The following BCL2L13 variants were observed in gnomAD, a reference collection of about 807,000 sequenced individuals.
BCL2L13 encodes the protein BCL2 like 13, also known as bcl-2-like protein 13.
BCL2L13 carries 13 observed loss-of-function variants against 25.8 expected under a neutral mutation model. That is an observed-to-expected ratio of 0.50 (90% CI 0.33 to 0.80). BCL2L13 has a LOEUF of 0.80. Ranked by LOEUF, BCL2L13 falls within the 30% of genes least tolerant of loss-of-function variation. BCL2L13 has a pLI of 0.02. For synonymous variants in BCL2L13, 244 were observed against 230.3 expected (o/e 1.06, Z -0.54); for missense variants, 504 against 574.9 (o/e 0.88, Z 1.26).
At chr22:17,715,125 TATATATATATATA>T in intron 6 of BCL2L13, among the ~76,000 whole-genome samples, 1 of 3,104 alleles carries the variant, frequency 3.2e-4, no homozygotes, top group African/African-American at 1.2e-3. Context: ...GTTAATTTTA[TATATATATATATA>T]TATATATATA....
chr22:17,719,870 G>T (rs1426291900), intron 6 of BCL2L13, among the ~76,000 whole-genome samples: 1 of 149,242 alleles, frequency 6.7e-6, no homozygotes, highest in Non-Finnish European at 1.5e-5. Flanking sequence ...ATGGATACAT[G>T]CTACAACATG....
At chr22:17,674,198 TAGAG>T (rs1314657066) in intron 2 of BCL2L13, among the ~76,000 whole-genome samples, 1 of 152,150 alleles carries the variant, frequency 6.6e-6, no homozygotes, top group Non-Finnish European at 1.5e-5. Context: ...CATTTTGAAG[TAGAG>T]AGTTACATTG....
chr22:17,704,780 T>G lies in BCL2L13; in HGVS notation c.600+2394T>G, dbSNP rs1040138150. On this transcript the variant is annotated intron_variant, in intron 6 of 6. Coordinates refer to ENST00000317582, the MANE Select transcript of BCL2L13 (RefSeq NM_015367.4). ...TGAACTGCACTGAAATCTACCAAAG[T>G]TAATGTTTACTTTGTGTAGATCCAT... Among the ~76,000 whole-genome samples, 5 of 152,176 alleles carry G rather than the reference T, an allele frequency of 3.3e-5. No homozygotes were observed. In the East Asian group the frequency reaches 9.7e-4, roughly 29 times the overall value.
At chr22:17,663,307 G>T (rs2059130893) in intron 2 of BCL2L13, among the ~76,000 whole-genome samples, 1 of 152,134 alleles carries the variant, frequency 6.6e-6, no homozygotes, top group Admixed American at 6.6e-5. Flanking sequence ...GATTACAGAT[G>T]GTGTCCTAAG....
chr22:17,696,150 A>G lies in BCL2L13; in HGVS notation c.396A>G (p.Thr132=), dbSNP rs1338108893. ...AAAAAAATCTCTACAGGCCAGTGACATATCAGGCATTTCGGGAATGTACAC... is the reference window on the plus strand; with the variant it reads ...AAAAAAATCTCTACAGGCCAGTGACGTATCAGGCATTTCGGGAATGTACAC... ...ALQMLLSQPV[T]YQAFRECTLE... is the part of the protein sequence containing the mutation. Residue 132 remains threonine (T), a synonymous_variant, in exon 5 of 7, where the codon ACA becomes ACG. Transcript: ENST00000317582. 1 of 1,613,326 alleles carries G rather than the reference A, an allele frequency of 6.2e-7. No homozygotes were observed. Among genetic ancestry groups the G allele is most frequent in the African/African-American group, 1.3e-5 (1 of 74,920 alleles).
chr22:17,669,057 G>A (rs571515471), intron 2 of BCL2L13, among the ~76,000 whole-genome samples: 7 of 122,776 alleles, frequency 5.7e-5, no homozygotes, highest in African/African-American at 2.2e-4. Context: ...TTTTGAGACG[G>A]AGTCTCGCTC....
At chr22:17,702,476 G>A (rs137990506) in intron 6 of BCL2L13, 90 bp downstream of exon 6, 185 of 1,262,930 alleles carry the variant, frequency 1.5e-4, no homozygotes, top group Non-Finnish European at 1.8e-4. Context: ...TGTGTTACCC[G>A]GGCTGGAGTG....
At chr22:17,635,318 A>G (rs1480196174), upstream of BCL2L13, among the ~76,000 whole-genome samples, 2 of 152,136 alleles carry the variant, frequency 1.3e-5, no homozygotes, top group African/African-American at 4.8e-5. Context: ...CGGGCGGATC[A>G]CAAGGTCAGG....
At chr22:17,701,255 G>T (rs1490285492) in intron 5 of BCL2L13, among the ~76,000 whole-genome samples, 1 of 152,050 alleles carries the variant, frequency 6.6e-6, no homozygotes, top group African/African-American at 2.4e-5. Flanking sequence ...GTTTTTAAAA[G>T]TTCTTATTTT....
chr22:17,655,300 CTT>C (rs71201856), intron 1 of BCL2L13, among the ~76,000 whole-genome samples: 31 of 138,734 alleles, frequency 2.2e-4, no homozygotes, highest in Admixed American at 2.2e-4. Flanking sequence ...TTACAGTTCA[CTT>C]TTTTTTTTTT....
At chr22:17,677,630 TTGGGAG>T (rs1308536813) in intron 2 of BCL2L13, among the ~76,000 whole-genome samples, 2 of 152,042 alleles carry the variant, frequency 1.3e-5, no homozygotes, top group African/African-American at 4.8e-5. Context: ...TCCCAGCACT[TTGGGAG>T]TCTGAGGCAG....
At chr22:17,711,275 G>T (rs2060750318) in intron 6 of BCL2L13, among the ~76,000 whole-genome samples, 1 of 143,190 alleles carries the variant, frequency 7.0e-6, no homozygotes, top group African/African-American at 2.6e-5. Flanking sequence ...TCAGTTTGTT[G>T]ACTTTTCCCT....
At chr22:17,683,651 A>G (rs975370622) in intron 3 of BCL2L13, among the ~76,000 whole-genome samples, 2 of 152,134 alleles carry the variant, frequency 1.3e-5, no homozygotes, top group African/African-American at 4.8e-5. Context: ...ATAACGACAT[A>G]AAAAGGAAAA....
In BCL2L13 at chr22:17,727,453, T is replaced by A. The variant is rs1383332896; in HGVS notation, c.1377T>A (p.Ser459=). The A allele has an allele frequency of 6.2e-7, 1 of 1,614,146 alleles. No homozygotes were observed. The highest frequency in any genetic ancestry group is 8.5e-7 in the Non-Finnish European group (1 of 1,180,054). Residue 459 remains serine, a synonymous_variant, in exon 7 of 7, where the codon TCT becomes TCA. Transcript: ENST00000317582. ...CCATGCCGCTGTCTGAGGGCAAGTC[T>A]ATACTGCTGTTTGGAGGGGCTGCTG... ...MKPMPLSEGK[S]ILLFGGAAAV...
chr22:17,674,086 C>T (rs779691920), intron 2 of BCL2L13, among the ~76,000 whole-genome samples: 8 of 152,110 alleles, frequency 5.3e-5, no homozygotes, highest in Non-Finnish European at 7.3e-5. Flanking sequence ...CATCAAACAG[C>T]ATAGGATAGT....
intron 4 of BCL2L13, chr22:17,695,911 A>G (rs2060251058): frequency 4.5e-6 from 2 of 440,660 alleles, no homozygotes; most frequent in Non-Finnish European, 8.3e-6. Context: ...TAGAATATAC[A>G]TTTATCTTGC....
At chr22:17,724,909 CT>C (rs1338039873) in intron 6 of BCL2L13, among the ~76,000 whole-genome samples, 26 of 152,154 alleles carry the variant, frequency 1.7e-4, no homozygotes, top group Admixed American at 1.7e-3. Context: ...TGTCATAAAG[CT>C]TTCTGTATCA....
At chr22:17,632,826 T>C (rs938942649) in intron 1 of BCL2L13, among the ~76,000 whole-genome samples, 2 of 150,764 alleles carry the variant, frequency 1.3e-5, no homozygotes, top group Non-Finnish European at 2.9e-5. Context: ...CAATCTTGGC[T>C]CACTGCAACC....
chr22:17,685,754 C>CTTTTTA (rs2059909181), intron 3 of BCL2L13, among the ~76,000 whole-genome samples: 1 of 54,000 alleles, frequency 1.9e-5, no homozygotes, highest in Admixed American at 2.1e-4. Context: ...ATAATTTTTT[C>CTTTTTA]TTTTTCTTTT....
Sources: gnomAD v4.1 joint callset for allele counts (sites outside exome capture counted in the v4.1 genomes callset) on GRCh38, gnomAD v4.1.1 for gene constraint, MANE v1.5 for transcripts, NCBI Gene and HGNC (gene_info 2026-07-23, HGNC 2026-07-21) for gene names.